Variants in PIGG observed in about 807,000 individuals in gnomAD.
PIGG encodes the protein GPI ethanolamine phosphate transferase 2, catalytic subunit.
In PIGG, 70 loss-of-function variants were observed where a neutral mutation model predicts 83.2. The ratio of observed to expected loss-of-function variants is 0.84; its 90% CI spans 0.69 to 1.03. The LOEUF (loss-of-function observed/expected upper bound fraction) is 1.03. PIGG is among the 50% of genes least tolerant of loss of function. The pLI is 0.00. For synonymous variants in PIGG, 532 were observed against 519.5 expected, an observed-to-expected ratio of 1.02 and a Z score of -0.33; for missense variants, 1,257 against 1,233.6, an observed-to-expected ratio of 1.02 and a Z score of -0.28.
Position 530,790 on chromosome 4 carries a change from A to T in PIGG, c.2571+45A>T, listed in dbSNP as rs768391301. ...ATGGGTAGTAGACTTCATGTTTTACATATTTATTTTAAATTTTTCTTTGAG... is the reference window on the plus strand; with the variant it reads ...ATGGGTAGTAGACTTCATGTTTTACTTATTTATTTTAAATTTTTCTTTGAG... On this transcript the variant is annotated intron_variant, in intron 11 of 12. Coordinates refer to ENST00000453061, the MANE Select transcript of PIGG (RefSeq NM_001127178.3). The T allele has an allele frequency of 3.9e-6, 5 of 1,286,828 alleles. No homozygotes were observed. The South Asian group carries it at 6.9e-5, about 18-fold the overall frequency. 79.7% of individuals were successfully genotyped at this position (1,286,828 alleles called of 1,614,324 possible).
At chr4:503,913 A>G (rs1718675569) in intron 2 of PIGG, among the ~76,000 whole-genome samples, 1 of 151,588 alleles carries the variant, frequency 6.6e-6, no homozygotes, top group Non-Finnish European at 1.5e-5. Context: ...GATACTCACC[A>G]AGAGTAATTG....
intron 12 of PIGG, among the ~76,000 whole-genome samples, chr4:534,973 C>T (rs1730106288): frequency 6.6e-6 from 1 of 152,258 alleles, no homozygotes; most frequent in Non-Finnish European, 1.5e-5. Flanking sequence ...GCTCCCCATC[C>T]ACACGCCCGT....
In PIGG at chr4:523,536, C is replaced by T. The variant is rs1227738894; in HGVS notation, c.1692C>T (p.Ser564=). 3 of 1,614,030 alleles carry T rather than the reference C, an allele frequency of 1.9e-6. No individual in the cohort carries two copies. The highest frequency in any genetic ancestry group is 2.5e-6 in the Non-Finnish European group (3 of 1,180,006). The change falls in exon 9 of 13, where the codon AGC becomes AGT. Residue 564 remains serine (S), a synonymous_variant. Transcript: ENST00000453061. ...TGGGGACGGCGGGCCACGTCTTGAG[C>T]CTGGGCGCCAGCAGCTTCGTGGAGG... ...ILLGTAGHVL[S]LGASSFVEEE...
At position 521,857 on chromosome 4, in the gene PIGG, G is replaced by A. The variant is rs570673463; in HGVS notation, c.1530G>A (p.Gly510=). The A allele has an allele frequency of 4.3e-6, 7 of 1,614,192 alleles. No individual in the cohort carries two copies. In the African/African-American group the frequency reaches 6.7e-5, roughly 15 times the overall value. The change falls in exon 8 of 13, where the codon GGG becomes GGA. Residue 510 remains glycine, a synonymous_variant. Coordinates refer to ENST00000453061, the MANE Select transcript of PIGG (RefSeq NM_001127178.3). ...FCGLSWLAAG[G]VMVLASALLC... ...GCCTCTCGTGGCTGGCGGCAGGTGGGGTGATGGTGCTGGCCTCGGCGCTGC... is the reference window on the plus strand; with the variant it reads ...GCCTCTCGTGGCTGGCGGCAGGTGGAGTGATGGTGCTGGCCTCGGCGCTGC...
chr4:539,238 C>G lies in PIGG; in HGVS notation c.2821C>G (p.Leu941Val), dbSNP rs756763151. The change falls in exon 13 of 13, where the codon CTG becomes GTG. Residue 941 changes from leucine to valine, a missense_variant. Leu to Val is a conservative substitution (Grantham distance 32, BLOSUM62 1). Coordinates refer to ENST00000453061, the MANE Select transcript of PIGG (RefSeq NM_001127178.3). Reference protein sequence around the residue: ...VFTYIVLVTSLRYHLFIWSVF... With the variant: ...VFTYIVLVTSVRYHLFIWSVF... ...CACGTACATCGTTTTGGTGACATCT[C>G]TGCGTTATCATTTATTTATATGGAG... 4.3e-6 allele frequency: 7 copies of G among 1,612,354 alleles called. No homozygotes were observed. The highest frequency in any genetic ancestry group is 2.2e-5 in the South Asian group (2 of 91,044).
intron 2 of PIGG, among the ~76,000 whole-genome samples, chr4:504,968 A>G (rs562278729): frequency 6.6e-6 from 1 of 152,244 alleles, no homozygotes; most frequent in South Asian, 2.1e-4. Flanking sequence ...ACGCTTTAGG[A>G]CTGCTTTCAT....
chr4:523,910 C>G lies in PIGG; in HGVS notation c.2066C>G (p.Thr689Ser), dbSNP rs1560345387. Residue 689 changes from threonine to serine, a missense_variant, in exon 9 of 13, where the codon ACC (threonine) becomes AGC (serine). Transcript: ENST00000453061. ...AHRPDLGHWL[T>S]SSDHKAELSV... Reference sequence around the variant, plus strand: ...CGGCCTGACCTCGGCCACTGGCTCACCAGGTGAGAGCGTAGGCCCGTGGCC... The same window carrying G: ...CGGCCTGACCTCGGCCACTGGCTCAGCAGGTGAGAGCGTAGGCCCGTGGCC... 1 of 1,520,142 alleles carries G rather than the reference C, an allele frequency of 6.6e-7. No homozygotes were observed. The allele number at this position is 1,520,142 out of a possible 1,614,324, so 94.2% of individuals were successfully genotyped here.
At chr4:516,534 G>A (rs767794628) in intron 6 of PIGG, among the ~76,000 whole-genome samples, 16 of 152,176 alleles carry the variant, frequency 1.1e-4, no homozygotes, top group Non-Finnish European at 1.9e-4. Context: ...GGAAGTGATC[G>A]ATGGCCGATG....
At position 539,240 on chromosome 4, in the gene PIGG, G is replaced by C. The variant is rs778501702; in HGVS notation, c.2823G>C (p.Leu941=). 1 of 1,612,342 alleles carries C rather than the reference G, an allele frequency of 6.2e-7. No homozygotes were observed. Among genetic ancestry groups the C allele is most frequent in the Admixed American group, 1.7e-5 (1 of 60,018 alleles). Residue 941 remains leucine (L), a synonymous_variant, in exon 13 of 13, where the codon CTG becomes CTC. Transcript: ENST00000453061. ...CGTACATCGTTTTGGTGACATCTCT[G>C]CGTTATCATTTATTTATATGGAGTG... ...VFTYIVLVTS[L]RYHLFIWSVF... is the part of the protein sequence containing the mutation.
intron 11 of PIGG, chr4:532,185 GTC>G (rs1227216949): frequency 6.6e-6 from 1 of 152,612 alleles, no homozygotes; most frequent in African/African-American, 2.4e-5. Flanking sequence ...CAGTCCCTGG[GTC>G]TCTCTGCCTC....
At chr4:524,211 A>G (rs1261769788) in intron 9 of PIGG, among the ~76,000 whole-genome samples, 1 of 152,190 alleles carries the variant, frequency 6.6e-6, no homozygotes, top group Non-Finnish European at 1.5e-5. Flanking sequence ...TAAAGATGCT[A>G]TGTGGGGGTC....
chr4:534,996 G>A (rs1301851243), intron 12 of PIGG, among the ~76,000 whole-genome samples: 1 of 152,248 alleles, frequency 6.6e-6, no homozygotes, highest in Non-Finnish European at 1.5e-5. Context: ...TCTCTGCAGC[G>A]TTCCCACCGC....
intron 1 of PIGG, 74 bp downstream of exon 1, chr4:499,563 T>G (rs1716783718): frequency 6.8e-7 from 1 of 1,470,344 alleles, no homozygotes; most frequent in Admixed American, 2.5e-5. Context: ...TGAGCCTCGC[T>G]GCTCGGATTT....
intron 5 of PIGG, among the ~76,000 whole-genome samples, chr4:512,739 CG>C (rs1350910737): frequency 2.0e-5 from 3 of 151,894 alleles, no homozygotes; most frequent in Admixed American, 1.3e-4. Flanking sequence ...CACTTGAACC[CG>C]GGAGGCAGAG....
intron 1 of PIGG, chr4:500,183 C>CT (rs1289239674): frequency 6.2e-5 from 36 of 582,020 alleles, no homozygotes; most frequent in Non-Finnish European, 1.0e-4. Flanking sequence ...TAATTCACTG[C>CT]TTGCTACTGT....
intron 5 of PIGG, among the ~76,000 whole-genome samples, chr4:513,352 T>C (rs1264782599): frequency 1.3e-5 from 2 of 152,230 alleles, no homozygotes; most frequent in Non-Finnish European, 1.5e-5. Context: ...AAAATGCTTA[T>C]TATTTTGAAA....
At chr4:509,509 C>T (rs1277670180) in intron 5 of PIGG, among the ~76,000 whole-genome samples, 19 of 152,192 alleles carry the variant, frequency 1.2e-4, no homozygotes, top group Admixed American at 1.1e-3. Context: ...GTCCTGTCGG[C>T]GGCTGCCTTC....
intron 9 of PIGG, 94 bp downstream of exon 9, chr4:524,007 A>G: frequency 1.3e-6 from 1 of 759,288 alleles, no homozygotes; most frequent in Non-Finnish European, 2.1e-6. Flanking sequence ...ACCATTTTTC[A>G]TATTAAGAAT....
intron 10 of PIGG, 41 bp from the exon 11 acceptor site, chr4:530,395 C>G: frequency 7.2e-7 from 1 of 1,380,928 alleles, no homozygotes; most frequent in Non-Finnish European, 1.0e-6. Context: ...GAATTTTTCT[C>G]ACTGGTGCTA....
Sources: gnomAD v4.1 joint callset for allele counts (sites outside exome capture counted in the v4.1 genomes callset) on GRCh38, gnomAD v4.1.1 for gene constraint, MANE v1.5 for transcripts, NCBI Gene and HGNC (gene_info 2026-07-23, HGNC 2026-07-21) for gene names.